The following ANKMY2 variants were observed in gnomAD, a reference collection of about 807,000 sequenced individuals.
The protein encoded by ANKMY2 is ankyrin repeat and MYND domain-containing protein 2.
ANKMY2 carries 36 observed loss-of-function variants against 50.4 expected under a neutral mutation model. The ratio of observed to expected loss-of-function variants is 0.71; its 90% CI spans 0.55 to 0.94. ANKMY2 has a LOEUF of 0.94. Among genes scored for constraint, ANKMY2 ranks in the 40% least tolerant of loss-of-function variants. ANKMY2 has a pLI of 0.00. For missense variants in ANKMY2, 565 were observed against 524.0 expected (o/e 1.08, Z -0.76); for synonymous variants, 187 against 178.8 (o/e 1.05, Z -0.36).
chr7:16,613,432 C>T (rs1409987741), intron 5 of ANKMY2, among the ~76,000 whole-genome samples: 1 of 152,078 alleles, frequency 6.6e-6, no homozygotes, highest in African/African-American at 2.4e-5. Flanking sequence ...AACTGGGTGG[C>T]TTTTAGATCC....
intron 4 of ANKMY2, among the ~76,000 whole-genome samples, chr7:16,623,139 C>T (rs1781463843): frequency 6.6e-6 from 1 of 151,798 alleles, no homozygotes; most frequent in African/African-American, 2.4e-5. Flanking sequence ...TAAAAAATGA[C>T]AAAAATCTTA....
rs967394340 is a variant in ANKMY2, at chr7:16,645,513, C to G, written c.61G>C (p.Gly21Arg). 3.1e-6 allele frequency: 5 copies of G among 1,611,124 alleles called. No homozygotes were observed. Among genetic ancestry groups the G allele is most frequent in the Admixed American group, 1.7e-5 (1 of 59,602 alleles). The change falls in exon 1 of 10, where the codon GGG becomes CGG. Residue 21 changes from glycine to arginine, a missense_variant. Coordinates refer to ENST00000306999, the MANE Select transcript of ANKMY2 (RefSeq NM_020319.3). ...CGCAGCCCAGCACCCGTACCTTTCCCGATGACTTCCAGTAGCTCCTTCTCC... is the reference window on the plus strand; with the variant it reads ...CGCAGCCCAGCACCCGTACCTTTCCGGATGACTTCCAGTAGCTCCTTCTCC... Reference protein sequence around the residue: ...QEEKELLEVIGKGTVQEAGTL... With the variant: ...QEEKELLEVIRKGTVQEAGTL...
intron 2 of ANKMY2, among the ~76,000 whole-genome samples, chr7:16,628,226 C>A (rs75919278): frequency 0.056 from 8,512 of 152,166 alleles, 422 homozygotes; most frequent in East Asian, 0.13. Flanking sequence ...TAATCCGTTA[C>A]CTTAGTGAAG....
chr7:16,615,726 C>A lies in ANKMY2; in HGVS notation c.531+18G>T. On this transcript the variant is annotated intron_variant, in intron 5 of 9. Transcript: ENST00000306999. Reference sequence around the variant, plus strand: ...GCAATATTTACATAAAAAGCAAATACGGTAGACACCACACTACCTTGACAG... The same window carrying A: ...GCAATATTTACATAAAAAGCAAATAAGGTAGACACCACACTACCTTGACAG... 2 of 1,613,758 alleles carry A rather than the reference C, an allele frequency of 1.2e-6. No individual in the cohort carries two copies. Among genetic ancestry groups the A allele is most frequent in the Non-Finnish European group, 1.7e-6 (2 of 1,179,908 alleles).
Position 16,610,639 on chromosome 7 carries a change from G to A in ANKMY2, c.656C>T (p.Ala219Val). The A allele has an allele frequency of 6.2e-7, 1 of 1,613,858 alleles. No homozygotes were observed. Among genetic ancestry groups the A allele is most frequent in the South Asian group, 1.1e-5 (1 of 91,070 alleles). Residue 219 changes from alanine (A) to valine (V), a missense_variant, in exon 6 of 10, where the codon GCT (alanine) becomes GTT (valine). Ala to Val is a moderately conservative substitution (Grantham distance 64). Coordinates refer to ENST00000306999, the MANE Select transcript of ANKMY2 (RefSeq NM_020319.3). ...MKQRDMNEVL[A>V]MKMHYISCIF... is the part of the protein sequence containing the mutation. ...ACAGCTTATGTAATGCATCTTCATAGCCAATACTTCATTCATGTCTCTTTG... is the reference window on the plus strand; with the variant it reads ...ACAGCTTATGTAATGCATCTTCATAACCAATACTTCATTCATGTCTCTTTG...
chr7:16,621,253 G>A (rs954129452), intron 4 of ANKMY2, among the ~76,000 whole-genome samples: 2 of 152,150 alleles, frequency 1.3e-5, no homozygotes, highest in African/African-American at 4.8e-5. Context: ...AATAAATTTT[G>A]AAAGAAAGGA....
chr7:16,603,213 T>C (rs6944004), intron 8 of ANKMY2, among the ~76,000 whole-genome samples: 6,641 of 152,174 alleles, frequency 0.044, 307 homozygotes, highest in African/African-American at 0.12. Context: ...ACAAGGAAGA[T>C]AGAGTTGTCC....
chr7:16,615,236 T>C (rs1781323675), intron 5 of ANKMY2, among the ~76,000 whole-genome samples: 1 of 152,232 alleles, frequency 6.6e-6, no homozygotes, highest in South Asian at 2.1e-4. Flanking sequence ...TAATAGATGC[T>C]GTTAGTGCCC....
intron 1 of ANKMY2, among the ~76,000 whole-genome samples, chr7:16,637,739 G>T (rs1781686911): frequency 6.6e-6 from 1 of 152,140 alleles, no homozygotes; most frequent in Non-Finnish European, 1.5e-5. Flanking sequence ...AATAAAACCA[G>T]AACAAAAACC....
rs746671699 is a variant in ANKMY2, at chr7:16,627,098, A to T, written c.213T>A (p.Asp71Glu). The T allele has an allele frequency of 6.2e-7, 1 of 1,612,942 alleles. No homozygotes were observed. Among genetic ancestry groups the T allele is most frequent in the Non-Finnish European group, 8.5e-7 (1 of 1,179,356 alleles). The change falls in exon 3 of 10, where the codon GAT becomes GAA. Residue 71 changes from aspartate to glutamate, a missense_variant. Transcript: ENST00000306999. ...CATGTTCATGCTGATGACAATTTAC[A>T]TCGGCTCCATGTCGCAGTAGTAATT... ...MCKLLLRHGA[D>E]VNCHQHEHGY...
At chr7:16,604,299 T>C (rs1781118522) in intron 8 of ANKMY2, among the ~76,000 whole-genome samples, 1 of 152,178 alleles carries the variant, frequency 6.6e-6, no homozygotes, top group African/African-American at 2.4e-5. Context: ...AAACTATAGT[T>C]TTACAAGGAT....
intron 2 of ANKMY2, among the ~76,000 whole-genome samples, chr7:16,631,463 A>G (rs1358814269): frequency 2.0e-5 from 3 of 152,324 alleles, no homozygotes; most frequent in African/African-American, 7.2e-5. Context: ...AACTAATGGT[A>G]TAATTAGTGT....
Position 16,636,471 on chromosome 7 carries a change from A to G in ANKMY2, c.68-16T>C. The G allele has an allele frequency of 3.9e-6, 6 of 1,540,418 alleles. No individual in the cohort carries two copies. Among genetic ancestry groups the G allele is most frequent in the South Asian group, 1.2e-5 (1 of 82,914 alleles). ...TGGACAGTACCTAAAAAAAAAAAAA[A>G]GATGAAAAGTAAGGTTATTCGTCAC... On this transcript the variant is annotated splice_polypyrimidine_tract_variant and intron_variant, in intron 1 of 9. Coordinates refer to ENST00000306999, the MANE Select transcript of ANKMY2 (RefSeq NM_020319.3).
intron 2 of ANKMY2, among the ~76,000 whole-genome samples, chr7:16,635,218 C>G (rs977989858): frequency 3.9e-5 from 6 of 152,050 alleles, no homozygotes; most frequent in Non-Finnish European, 7.4e-5. Flanking sequence ...ATGGGTGAAT[C>G]TCTATGCTAA....
At chr7:16,643,831 C>T (rs1781777441) in intron 1 of ANKMY2, among the ~76,000 whole-genome samples, 1 of 132,116 alleles carries the variant, frequency 7.6e-6, no homozygotes, top group South Asian at 2.4e-4. Flanking sequence ...GCAGCCTGGG[C>T]AACATAGGGA....
At position 16,622,382 on chromosome 7, in the gene ANKMY2, C is replaced by T. The variant is rs574708754; in HGVS notation, c.370+2601G>A. ...TGGCAAAAATCAAAGAATGGTAATA[C>T]TCAGCTCTGATGAGGATATTACTGT... On this transcript the variant is annotated intron_variant, in intron 4 of 9. Coordinates refer to ENST00000306999, the MANE Select transcript of ANKMY2 (RefSeq NM_020319.3). Among the ~76,000 whole-genome samples, 5 of 152,228 alleles carry T rather than the reference C, an allele frequency of 3.3e-5. No homozygotes were observed. In the South Asian group the frequency reaches 1.0e-3, roughly 32 times the overall value.
chr7:16,611,976 T>C (rs181504136), intron 5 of ANKMY2, among the ~76,000 whole-genome samples: 223 of 152,278 alleles, frequency 1.5e-3, no homozygotes, highest in African/African-American at 5.2e-3. Flanking sequence ...GAGCTTTCCT[T>C]TCACTTAATA....
Position 16,610,615 on chromosome 7 carries a change from C to A in ANKMY2, c.680G>T (p.Cys227Phe). ...VLAMKMHYIS[C>F]IFQKCINFLK... Reference sequence around the variant, plus strand: ...GAAGTTAATGCATTTCTGAAAGATACAGCTTATGTAATGCATCTTCATAGC... The same window carrying A: ...GAAGTTAATGCATTTCTGAAAGATAAAGCTTATGTAATGCATCTTCATAGC... Residue 227 changes from cysteine to phenylalanine, a missense_variant, in exon 6 of 10, where the codon TGT becomes TTT. Transcript: ENST00000306999. 6.2e-7 allele frequency: 1 copy of A among 1,613,920 alleles called. No homozygotes were observed. Among genetic ancestry groups the A allele is most frequent in the Non-Finnish European group, 8.5e-7 (1 of 1,179,886 alleles).
intron 2 of ANKMY2, among the ~76,000 whole-genome samples, chr7:16,628,606 C>G (rs1436947705): frequency 6.6e-6 from 1 of 151,980 alleles, no homozygotes; most frequent in Non-Finnish European, 1.5e-5. Flanking sequence ...AAGGCAATAC[C>G]ATATCGCGAG....
Sources: gnomAD v4.1 joint callset for allele counts (sites outside exome capture counted in the v4.1 genomes callset) on GRCh38, gnomAD v4.1.1 for gene constraint, MANE v1.5 for transcripts, NCBI Gene and HGNC (gene_info 2026-07-23, HGNC 2026-07-21) for gene names.